The following ACTG2 variants were observed in gnomAD, a reference collection of about 807,000 sequenced individuals.
ACTG2 encodes actin, gamma-enteric smooth muscle.
In ACTG2, 16 loss-of-function variants were observed where a neutral mutation model predicts 37.6. The observed-to-expected ratio is 0.43, with a 90% CI of 0.29 to 0.65. ACTG2 has a LOEUF of 0.65. Ranked by LOEUF, ACTG2 falls within the 30% of genes least tolerant of loss-of-function variation. The probability of loss-of-function intolerance (pLI) is 0.18; values close to 1 mark genes in which losing one functional copy is unlikely to be tolerated. For synonymous variants in ACTG2, 181 were observed against 179.9 expected (o/e 1.01, Z -0.05); for missense variants, 238 against 490.9 (o/e 0.48, Z 4.87).
chr2:73,901,559 TGTGTGTGTGTGTGTGTGTGTGTCTGTGC>T (rs1443459299), intron 2 of ACTG2, 122 bp downstream of exon 2: 57 of 134,532 alleles, frequency 4.2e-4, no homozygotes, highest in Middle Eastern at 5.1e-3. Flanking sequence ...TGTGTGTGTG[TGTGTGTGTGTGTGTGTGTGTGTCTGTGC>T]GTGTGTGTGT....
At chr2:73,916,522 A>T (rs528127424) in intron 7 of ACTG2, 62 bp from the exon 8 acceptor site, 54 of 1,463,810 alleles carry the variant, frequency 3.7e-5, no homozygotes, top group Non-Finnish European at 3.5e-5. Context: ...TCATTTGAGG[A>T]GCTGGAGGTG....
chr2:73,919,326 C>A, intron 8 of ACTG2, 106 bp from the exon 9 acceptor site: 1 of 1,328,604 alleles, frequency 7.5e-7, no homozygotes, highest in South Asian at 1.4e-5. Flanking sequence ...TTCTCCTGTT[C>A]TTTTCTGACC....
chr2:73,914,428 G>A (rs1480448227), intron 6 of ACTG2, among the ~76,000 whole-genome samples: 2 of 151,982 alleles, frequency 1.3e-5, no homozygotes, highest in East Asian at 1.9e-4. Flanking sequence ...GCTTAGTGGC[G>A]CACGCCTGTA....
At position 73,902,371 on chromosome 2, in the gene ACTG2, G is replaced by A; in HGVS notation, c.138G>A (p.Val46=). ...VGRPRHQGVM[V]GMGQKDSYVG... ...TTTTTGCATTGCAGGGTGTGATGGTGGGAATGGGCCAGAAAGACAGCTATG... is the reference window on the plus strand; with the variant it reads ...TTTTTGCATTGCAGGGTGTGATGGTAGGAATGGGCCAGAAAGACAGCTATG... The change falls in exon 3 of 9, where the codon GTG becomes GTA. Residue 46 remains valine, a synonymous_variant. Coordinates refer to ENST00000345517, the MANE Select transcript of ACTG2 (RefSeq NM_001615.4). 1 of 1,613,926 alleles carries A rather than the reference G, an allele frequency of 6.2e-7. No individual in the cohort carries two copies. The highest frequency in any genetic ancestry group is 8.5e-7 in the Non-Finnish European group (1 of 1,179,966).
chr2:73,909,262 T>G lies in ACTG2; in HGVS notation c.451+123T>G, dbSNP rs147867934. 4.8e-6 allele frequency: 4 copies of G among 830,058 alleles called. No individual in the cohort carries two copies. The African/African-American group carries it at 6.8e-5, about 14-fold the overall frequency. 51.4% of individuals were successfully genotyped at this position (830,058 alleles called of 1,614,324 possible). ...AGCTGAAGTCCAGGCAAAATCTTTC[T>G]TAGGGATAATAGGTGAGAATGCCCA... is the stretch of plus-strand genomic sequence containing the variant. On this transcript the variant is annotated intron_variant, in intron 5 of 8. Transcript: ENST00000345517.
intron 1 of ACTG2, chr2:73,897,430 G>C (rs1006259127): frequency 1.3e-5 from 2 of 152,360 alleles, no homozygotes; most frequent in Admixed American, 1.3e-4. Context: ...TTCTCAAGGT[G>C]GACCACCTGC....
At chr2:73,895,855 G>A (rs976910936) in intron 1 of ACTG2, among the ~76,000 whole-genome samples, 5 of 152,114 alleles carry the variant, frequency 3.3e-5, no homozygotes, top group South Asian at 2.1e-4. Context: ...TTAGGCTTTC[G>A]GAGCCTGAAG....
chr2:73,909,866 G>T (rs1030026386), intron 5 of ACTG2, among the ~76,000 whole-genome samples: 3 of 152,130 alleles, frequency 2.0e-5, no homozygotes, highest in Non-Finnish European at 4.4e-5. Context: ...AAATGTTACT[G>T]TGTACTACTG....
At chr2:73,911,672 AC>A (rs1351194187) in intron 5 of ACTG2, among the ~76,000 whole-genome samples, 1 of 152,184 alleles carries the variant, frequency 6.6e-6, no homozygotes, top group African/African-American at 2.4e-5. Flanking sequence ...TTGCCCTATG[AC>A]GTGATGTCAG....
chr2:73,902,278 C>T, intron 2 of ACTG2, 82 bp from the exon 3 acceptor site: 1 of 1,519,686 alleles, frequency 6.6e-7, no homozygotes, highest in African/African-American at 1.4e-5. Context: ...CCTTATCCTT[C>T]TTCAGAGACC....
intron 3 of ACTG2, among the ~76,000 whole-genome samples, chr2:73,905,529 G>A (rs1411902178): frequency 6.6e-6 from 1 of 152,080 alleles, no homozygotes; most frequent in Non-Finnish European, 1.5e-5. Context: ...AGTTGCAAAT[G>A]TGAAAAAATT....
intron 2 of ACTG2, chr2:73,901,675 A>T (rs528525442): frequency 3.0e-6 from 2 of 665,766 alleles, no homozygotes; most frequent in East Asian, 7.1e-5. Flanking sequence ...ATAGAGCAGG[A>T]CCCTTTAAAT....
At chr2:73,916,912 C>A (rs980854503) in intron 8 of ACTG2, 147 bp downstream of exon 8, 46 of 947,164 alleles carry the variant, frequency 4.9e-5, no homozygotes, top group Non-Finnish European at 6.3e-5. Context: ...TTTTATCCTA[C>A]GGAATTATGT....
At position 73,913,576 on chromosome 2, in the gene ACTG2, G is replaced by A; in HGVS notation, c.543G>A (p.Leu181=). 1 of 1,614,010 alleles carries A rather than the reference G, an allele frequency of 6.2e-7. No homozygotes were observed. Among genetic ancestry groups the A allele is most frequent in the Non-Finnish European group, 8.5e-7 (1 of 1,179,954 alleles). The change falls in exon 6 of 9, where the codon TTG becomes TTA. Residue 181 remains leucine (L), a synonymous_variant. Transcript: ENST00000345517. ...ALPHAIMRLD[L]AGRDLTDYLM... Reference sequence around the variant, plus strand: ...CCCATGCCATCATGCGCCTGGACTTGGCTGGCCGTGACCTCACGGACTACC... The same window carrying A: ...CCCATGCCATCATGCGCCTGGACTTAGCTGGCCGTGACCTCACGGACTACC...
intron 5 of ACTG2, among the ~76,000 whole-genome samples, chr2:73,911,370 G>A (rs754422711): frequency 1.3e-5 from 2 of 152,008 alleles, no homozygotes; most frequent in East Asian, 1.9e-4. Flanking sequence ...GGTAGCTCAC[G>A]CCTGTAGTCC....
Position 73,902,500 on chromosome 2 carries a change from C to T in ACTG2, c.255+12C>T. 1 of 1,613,906 alleles carries T rather than the reference C, an allele frequency of 6.2e-7. No individual in the cohort carries two copies. The highest frequency in any genetic ancestry group is 1.1e-5 in the South Asian group (1 of 91,042). ...ATGACATGGAGAAGGTATCTGTAGA[C>T]TTCCCCTTAATGAGCCTGCTTTAAT... is the stretch of plus-strand genomic sequence containing the variant. On this transcript the variant is annotated intron_variant, in intron 3 of 8. Coordinates refer to ENST00000345517, the MANE Select transcript of ACTG2 (RefSeq NM_001615.4).
intron 5 of ACTG2, among the ~76,000 whole-genome samples, chr2:73,912,390 C>G (rs1166804799): frequency 6.6e-6 from 1 of 152,236 alleles, no homozygotes; most frequent in Non-Finnish European, 1.5e-5. Flanking sequence ...CTCCTGACCT[C>G]AAGTGATCTG....
At chr2:73,896,625 G>T (rs1679753670) in intron 1 of ACTG2, 1 of 152,306 alleles carries the variant, frequency 6.6e-6, no homozygotes, top group Non-Finnish European at 1.5e-5. Flanking sequence ...CTCCTTTGAG[G>T]TGCTGGGGAG....
intron 1 of ACTG2, among the ~76,000 whole-genome samples, chr2:73,900,108 G>A (rs546547701): frequency 3.6e-4 from 55 of 152,222 alleles, no homozygotes; most frequent in Non-Finnish European, 5.3e-4. Flanking sequence ...CCCTCTCCCC[G>A]CTCCATGCCA....
Sources: gnomAD v4.1 joint callset for allele counts (sites outside exome capture counted in the v4.1 genomes callset) on GRCh38, gnomAD v4.1.1 for gene constraint, MANE v1.5 for transcripts, NCBI Gene and HGNC (gene_info 2026-07-23, HGNC 2026-07-21) for gene names.